The following EVI5 variants were observed in gnomAD, a reference collection of about 807,000 sequenced individuals.
EVI5 encodes the protein ecotropic viral integration site 5 protein homolog.
A neutral mutation model predicts 112.0 loss-of-function variants in EVI5; 73 were observed. That is an observed-to-expected ratio of 0.65 (90% CI 0.54 to 0.79). The LOEUF (loss-of-function observed/expected upper bound fraction) is 0.79. EVI5 is among the 30% of genes least tolerant of loss of function. The pLI is 0.00. For synonymous variants in EVI5, 305 were observed against 319.9 expected (o/e 0.95, Z 0.50); for missense variants, 900 against 968.8 (o/e 0.93, Z 0.94).
intron 19 of EVI5, among the ~76,000 whole-genome samples, chr1:92,559,114 A>G (rs902905441): frequency 6.6e-6 from 1 of 152,216 alleles, no homozygotes; most frequent in African/African-American, 2.4e-5. Flanking sequence ...TCATCTCTAG[A>G]TAACTTATAA....
chr1:92,784,193 G>C (rs1428117098), intron 1 of EVI5: 1 of 495,328 alleles, frequency 2.0e-6, no homozygotes, highest in Admixed American at 6.4e-5. Context: ...CAGACAGACA[G>C]ACACAGGGAA....
At chr1:92,611,693 C>T (rs1329194811) in intron 16 of EVI5, among the ~76,000 whole-genome samples, 12 of 88,982 alleles carry the variant, frequency 1.3e-4, no homozygotes, top group Non-Finnish European at 2.6e-4. Context: ...AGTGAGACTC[C>T]GTCACAAAAA....
chr1:92,673,737 G>A (rs974377358), intron 10 of EVI5, among the ~76,000 whole-genome samples: 19 of 152,026 alleles, frequency 1.2e-4, no homozygotes, highest in African/African-American at 2.4e-4. Context: ...AATTTCACAC[G>A]CAAAATTTAA....
chr1:92,736,767 C>T (rs1677518374), intron 1 of EVI5, 140 bp from the exon 2 acceptor site: 1 of 643,212 alleles, frequency 1.6e-6, no homozygotes, highest in African/African-American at 1.8e-5. Context: ...CCTGTTTTAG[C>T]AACAATACCC....
rs755957806 is a variant in EVI5, at chr1:92,695,333, T to C, written c.886A>G (p.Ile296Val). 9 of 1,612,306 alleles carry C rather than the reference T, an allele frequency of 5.6e-6. No individual in the cohort carries two copies. In the Admixed American group the frequency reaches 1.3e-4, roughly 24 times the overall value. Residue 296 changes from isoleucine to valine, a missense_variant, in exon 7 of 20, where the codon ATA (isoleucine) becomes GTA (valine). Coordinates refer to ENST00000684568, the MANE Select transcript of EVI5 (RefSeq NM_001350197.2). ...TTFPLPIATR[I>V]FDIFMSEGLE... is the part of the protein sequence containing the mutation. ...ACCTCAGACATAAAGATATCAAATA[T>C]CCTTGTTGCAATTGGTAGTGGAAAA... is the stretch of plus-strand genomic sequence containing the variant.
intron 10 of EVI5, among the ~76,000 whole-genome samples, chr1:92,669,564 A>T (rs1665514938): frequency 6.7e-6 from 1 of 149,350 alleles, no homozygotes; most frequent in Non-Finnish European, 1.5e-5. Flanking sequence ...AAAAAAAATC[A>T]CTGGGAAATT....
At chr1:92,518,610 TC>T (rs1214512596) in intron 19 of EVI5, among the ~76,000 whole-genome samples, 2 of 149,944 alleles carry the variant, frequency 1.3e-5, no homozygotes, top group Non-Finnish European at 2.9e-5. Context: ...GGATAGTATC[TC>T]CGAGAAGCCG....
upstream of EVI5, among the ~76,000 whole-genome samples, chr1:92,789,080 G>A (rs1218072509): frequency 6.6e-6 from 1 of 152,134 alleles, no homozygotes; most frequent in Non-Finnish European, 1.5e-5. Context: ...AATGCCAGAA[G>A]TGGTTAAACA....
rs577137759 is a variant in EVI5 at position 92,740,613 on chromosome 1, G to T, written c.-81-3986C>A. Among the ~76,000 whole-genome samples, 3 of 152,088 alleles carry T rather than the reference G, an allele frequency of 2.0e-5. No homozygotes were observed. The South Asian group carries it at 6.2e-4, about 32-fold the overall frequency. On this transcript the variant is annotated intron_variant, in intron 1 of 19. Coordinates refer to ENST00000684568, the MANE Select transcript of EVI5 (RefSeq NM_001350197.2). ...AAGATTTTGGTTTTATTTTTTATTG[G>T]GCTCACTTTTACTATGTCAGATATA...
chr1:92,630,618 T>A (rs1656822968), intron 14 of EVI5, among the ~76,000 whole-genome samples: 1 of 152,184 alleles, frequency 6.6e-6, no homozygotes. Flanking sequence ...TTCTGTAGGT[T>A]GCCTGTTCAC....
chr1:92,590,759 A>G (rs1673697674), intron 18 of EVI5, among the ~76,000 whole-genome samples: 1 of 152,206 alleles, frequency 6.6e-6, no homozygotes, highest in Non-Finnish European at 1.5e-5. Flanking sequence ...GGAAATACAG[A>G]GAATGCCACA....
chr1:92,768,349 A>G (rs1463214007), intron 1 of EVI5, among the ~76,000 whole-genome samples: 1 of 152,192 alleles, frequency 6.6e-6, no homozygotes, highest in African/African-American at 2.4e-5. Context: ...GGACTGCAAG[A>G]GGTTTTTTTA....
At chr1:92,681,253 C>T (rs146650116) in intron 9 of EVI5, among the ~76,000 whole-genome samples, 126 of 152,240 alleles carry the variant, frequency 8.3e-4, no homozygotes, top group East Asian at 2.5e-3. Context: ...AGTACACATT[C>T]AAGTATTTAC....
At chr1:92,745,550 A>C (rs1366029734) in intron 1 of EVI5, among the ~76,000 whole-genome samples, 1 of 152,212 alleles carries the variant, frequency 6.6e-6, no homozygotes, top group Non-Finnish European at 1.5e-5. Flanking sequence ...ATGGTGGCTC[A>C]GGCCTATAAT....
At chr1:92,725,469 G>T (rs6700724) in intron 2 of EVI5, among the ~76,000 whole-genome samples, 2,882 of 152,068 alleles carry the variant, frequency 0.019, 103 homozygotes, top group African/African-American at 0.065. Context: ...AGTCAAACAC[G>T]ACAAGATAAA....
chr1:92,516,371 T>C (rs1220895537), intron 19 of EVI5, among the ~76,000 whole-genome samples: 3 of 152,126 alleles, frequency 2.0e-5, no homozygotes, highest in Admixed American at 6.5e-5. Flanking sequence ...GATGTAATTA[T>C]AGAAAATTAA....
At chr1:92,736,156 A>G (rs1677396656) in intron 2 of EVI5, among the ~76,000 whole-genome samples, 10 of 152,048 alleles carry the variant, frequency 6.6e-5, no homozygotes, top group Admixed American at 6.6e-4. Flanking sequence ...AAAAATTGAT[A>G]AAATTCAAGA....
At chr1:92,671,798 CA>C (rs1455026421) in intron 10 of EVI5, among the ~76,000 whole-genome samples, 1 of 135,252 alleles carries the variant, frequency 7.4e-6, no homozygotes, top group African/African-American at 2.7e-5. Context: ...TCCAAGCCAC[CA>C]TCATCTTTTT....
At chr1:92,724,943 G>A (rs1304413186) in intron 2 of EVI5, among the ~76,000 whole-genome samples, 2 of 152,142 alleles carry the variant, frequency 1.3e-5, no homozygotes, top group Non-Finnish European at 2.9e-5. Flanking sequence ...CAGTTTCAGG[G>A]CCCTATAACA....
Sources: allele counts gnomAD v4.1 joint callset (sites outside exome capture counted in the v4.1 genomes callset), GRCh38; gene constraint gnomAD v4.1.1; transcripts MANE v1.5; gene names NCBI Gene and HGNC (gene_info 2026-07-23, HGNC 2026-07-21).